TLNRD1: variants seen among roughly 807,000 people sequenced by gnomAD.
TLNRD1 encodes the protein talin rod domain containing 1, also known as talin rod domain-containing protein 1.
In TLNRD1, 14 loss-of-function variants were observed where a neutral mutation model predicts 19.5. The observed-to-expected ratio is 0.72, with a 90% confidence interval of 0.47 to 1.12. The LOEUF (loss-of-function observed/expected upper bound fraction) is 1.12. Ranked by LOEUF, TLNRD1 falls within the 50% of genes most tolerant of loss-of-function variation. TLNRD1 has a pLI of 0.00. For missense variants in TLNRD1, 569 were observed against 531.9 expected, an observed-to-expected ratio of 1.07 and a Z score of -0.69; for synonymous variants, 345 against 261.7, an observed-to-expected ratio of 1.32 and a Z score of -3.07.
Position 81,002,765 on chromosome 15 carries a change from C to G in TLNRD1, c.494C>G (p.Ala165Gly). Residue 165 changes from alanine (A) to glycine (G), a missense_variant, in exon 1 of 1, where the codon GCC (alanine) becomes GGC (glycine). By Grantham distance (60) the Ala-to-Gly change is moderately conservative. Transcript: ENST00000267984. Reference protein sequence around the residue: ...RCRHEVEQGCAVLRATPLADM... With the variant: ...RCRHEVEQGCGVLRATPLADM... ...CGCCACGAGGTGGAGCAGGGTTGCG[C>G]CGTGCTGCGCGCCACGCCGCTGGCC... 1.3e-6 allele frequency: 2 copies of G among 1,541,304 alleles called. No individual in the cohort carries two copies. The highest frequency in any genetic ancestry group is 1.7e-6 in the Non-Finnish European group (2 of 1,149,508).
rs867387036 is a variant in TLNRD1, at chr15:81,003,346, A to C, written c.1075A>C (p.Asn359His). Residue 359 changes from asparagine (N) to histidine (H), a missense_variant, in exon 1 of 1, where the codon AAT (asparagine) becomes CAT (histidine). Transcript: ENST00000267984. ...SPRTLPPVNS[N>H]SVN ...CAGGACTTTACCGCCAGTGAATTCC[A>C]ATTCTGTGAATTAGCACCCCACCCC... The C allele has an allele frequency of 1.3e-6, 2 of 1,597,238 alleles. No individual in the cohort carries two copies. The highest frequency in any genetic ancestry group is 2.7e-5 in the African/African-American group (2 of 74,752).
rs1243068083 is a variant in TLNRD1, at chr15:81,003,321, C to T, written c.1050C>T (p.Pro350=). Residue 350 remains proline (P), a synonymous_variant, in exon 1 of 1, where the codon CCC becomes CCT. Transcript: ENST00000267984. ...LSQALRERSS[P]RTLPPVNSNS... ...AGGCTTTAAGGGAGAGGTCTTCGCC[C>T]AGGACTTTACCGCCAGTGAATTCCA... The T allele has an allele frequency of 1.9e-6, 3 of 1,605,478 alleles. No individual in the cohort carries two copies. In the African/African-American group the frequency reaches 4.0e-5, roughly 21 times the overall value.
At position 81,003,519 on chromosome 15, in the gene TLNRD1, G is replaced by A. The variant is rs1324379135; in HGVS notation, c.*159G>A. 6.1e-6 allele frequency: 5 copies of A among 815,576 alleles called. No individual in the cohort carries two copies. Among genetic ancestry groups the A allele is most frequent in the African/African-American group, 5.2e-5 (3 of 57,410 alleles). 50.5% of individuals were successfully genotyped at this position (815,576 alleles called of 1,614,324 possible). On this transcript the variant is annotated 3_prime_UTR_variant, in exon 1 of 1. Coordinates refer to ENST00000267984, the MANE Select transcript of TLNRD1 (RefSeq NM_022566.3). ...TCTTCCACAAGGCAGGGCCATGCAC[G>A]CAACCTGCACACGCACTTGGAGGGC...
chr15:81,005,494 A>T lies in TLNRD1; in HGVS notation c.*2134A>T, dbSNP rs1893478861. 6.0e-6 allele frequency: 1 copy of T among 167,128 alleles called. No homozygotes were observed. Among genetic ancestry groups the T allele is most frequent in the African/African-American group, 2.4e-5 (1 of 41,470 alleles). The allele number at this position is 167,128 out of a possible 1,614,324, so 10.4% of individuals were successfully genotyped here. ...AAACTGAAAGGAACAAACGCTAAGTAAAATAAGGGCCAGAAATCTGTAAAT... is the reference window on the plus strand; with the variant it reads ...AAACTGAAAGGAACAAACGCTAAGTTAAATAAGGGCCAGAAATCTGTAAAT... On this transcript the variant is annotated 3_prime_UTR_variant, in exon 1 of 1. Transcript: ENST00000267984.
rs1893436962 is a variant in TLNRD1 at position 81,002,872 on chromosome 15, G to T, written c.601G>T (p.Ala201Ser). 6.3e-7 allele frequency: 1 copy of T among 1,596,892 alleles called. No homozygotes were observed. The highest frequency in any genetic ancestry group is 1.3e-5 in the African/African-American group (1 of 74,866). Residue 201 changes from alanine (A) to serine (S), a missense_variant, in exon 1 of 1, where the codon GCC becomes TCC. Physicochemically the swap from Ala to Ser is moderately conservative, Grantham distance 99. Transcript: ENST00000267984. The stretch of plus-strand genomic sequence containing the variant: ...GTTCCTGACGGACGCGTGCGCCCTG[G>T]CCAGTGACAAGTCACGGGACCGCTT... ...LKFLTDACAL[A>S]SDKSRDRFSR...
In TLNRD1 at chr15:81,003,557, C is replaced by T; in HGVS notation, c.*197C>T. 1 of 579,800 alleles carries T rather than the reference C, an allele frequency of 1.7e-6. No homozygotes were observed. The highest frequency in any genetic ancestry group is 3.0e-6 in the Non-Finnish European group (1 of 328,096). The allele number at this position is 579,800 out of a possible 1,614,324, so 35.9% of individuals were successfully genotyped here. A position where few individuals can be genotyped will look rare whatever the true frequency, so the allele number is the denominator to read the frequency against. ...GCACTTGGAGGGCCCAGGTGTCTCT[C>T]CACCAGCCCCCATGCAGTAGGGACT... On this transcript the variant is annotated 3_prime_UTR_variant, in exon 1 of 1. Transcript: ENST00000267984.
In TLNRD1 at chr15:81,003,220, G is replaced by A. The variant is rs1434085609; in HGVS notation, c.949G>A (p.Ala317Thr). The part of the protein sequence containing the change: ...RDLAQHPDGG[A>T]KMSDHRERLR... ...TCTGGCGCAGCACCCCGACGGGGGC[G>A]CCAAGATGTCGGACCACAGGGAGAG... is the stretch of plus-strand genomic sequence containing the variant. Residue 317 changes from alanine to threonine, a missense_variant, in exon 1 of 1, where the codon GCC becomes ACC. By Grantham distance (58) the Ala-to-Thr change is moderately conservative (BLOSUM62 0). Coordinates refer to ENST00000267984, the MANE Select transcript of TLNRD1 (RefSeq NM_022566.3). 1 of 1,602,934 alleles carries A rather than the reference G, an allele frequency of 6.2e-7. No individual in the cohort carries two copies. Among genetic ancestry groups the A allele is most frequent in the South Asian group, 1.1e-5 (1 of 89,166 alleles).
In TLNRD1 at chr15:81,002,764, G is replaced by A. The variant is rs1285353784; in HGVS notation, c.493G>A (p.Ala165Thr). The A allele has an allele frequency of 3.9e-6, 6 of 1,540,692 alleles. No individual in the cohort carries two copies. Among genetic ancestry groups the A allele is most frequent in the Non-Finnish European group, 5.2e-6 (6 of 1,149,156 alleles). The change falls in exon 1 of 1, where the codon GCC (alanine) becomes ACC (threonine). Residue 165 changes from alanine to threonine, a missense_variant. Transcript: ENST00000267984. The stretch of plus-strand genomic sequence containing the variant: ...CCGCCACGAGGTGGAGCAGGGTTGC[G>A]CCGTGCTGCGCGCCACGCCGCTGGC... The part of the protein sequence containing the change: ...RCRHEVEQGC[A>T]VLRATPLADM...
In TLNRD1 at chr15:81,003,673, G is replaced by A. The variant is rs1893456552; in HGVS notation, c.*313G>A. 1 of 302,522 alleles carries A rather than the reference G, an allele frequency of 3.3e-6. No homozygotes were observed. The highest frequency in any genetic ancestry group is 6.1e-5 in the East Asian group (1 of 16,504). 18.7% of individuals were successfully genotyped at this position (302,522 alleles called of 1,614,324 possible). On this transcript the variant is annotated 3_prime_UTR_variant, in exon 1 of 1. Coordinates refer to ENST00000267984, the MANE Select transcript of TLNRD1 (RefSeq NM_022566.3). Reference sequence around the variant, plus strand: ...TTTCTCAACTAAATTTCATTATTGGGCAGGAAGGAGGTCATGGGTTCATTT... The same window carrying A: ...TTTCTCAACTAAATTTCATTATTGGACAGGAAGGAGGTCATGGGTTCATTT...
chr15:81,002,531 A>G lies in TLNRD1; in HGVS notation c.260A>G (p.Lys87Arg). ...CGGGACACCATCATCGCGCGCACCA[A>G]GGGGCTCTCCATCCTCACCCACGAC... is the stretch of plus-strand genomic sequence containing the variant. ...QCRDTIIART[K>R]GLSILTHDVQ... The change falls in exon 1 of 1, where the codon AAG (lysine) becomes AGG (arginine). Residue 87 changes from lysine to arginine, a missense_variant. By Grantham distance (26) the Lys-to-Arg change is conservative. Coordinates refer to ENST00000267984, the MANE Select transcript of TLNRD1 (RefSeq NM_022566.3). 1.4e-6 allele frequency: 2 copies of G among 1,463,014 alleles called. No homozygotes were observed. The highest frequency in any genetic ancestry group is 1.8e-6 in the Non-Finnish European group (2 of 1,111,498). The allele number at this position is 1,463,014 out of a possible 1,614,324, so 90.6% of individuals were successfully genotyped here.
chr15:81,001,728 C>G lies in TLNRD1; in HGVS notation c.-544C>G, dbSNP rs1042276848. 6.6e-6 allele frequency: 1 copy of G among 152,002 alleles called. No homozygotes were observed. Among genetic ancestry groups the G allele is most frequent in the Non-Finnish European group, 1.5e-5 (1 of 67,974 alleles). The allele number at this position is 152,002 out of a possible 1,614,324, so 9.4% of individuals were successfully genotyped here. A position where few individuals can be genotyped will look rare whatever the true frequency, so the allele number is the denominator to read the frequency against. ...TGAAGCCCACGTGCGCCGCCGAGCC[C>G]GAGGTGGCCTCGAGCGCGGCGGCTG... On this transcript the variant is annotated 5_prime_UTR_variant, in exon 1 of 1. Coordinates refer to ENST00000267984, the MANE Select transcript of TLNRD1 (RefSeq NM_022566.3).
In TLNRD1 at chr15:81,002,881, A is replaced by G. The variant is rs779225082; in HGVS notation, c.610A>G (p.Lys204Glu). 1 of 1,597,190 alleles carries G rather than the reference A, an allele frequency of 6.3e-7. No homozygotes were observed. The highest frequency in any genetic ancestry group is 1.7e-5 in the Admixed American group (1 of 59,928). Residue 204 changes from lysine to glutamate, a missense_variant, in exon 1 of 1, where the codon AAG becomes GAG. By Grantham distance (56) the Lys-to-Glu change is moderately conservative. Transcript: ENST00000267984. ...LTDACALASD[K>E]SRDRFSREQF... is the part of the protein sequence containing the mutation. The stretch of plus-strand genomic sequence containing the variant: ...GGACGCGTGCGCCCTGGCCAGTGAC[A>G]AGTCACGGGACCGCTTTTCGCGGGA...
chr15:81,003,153 C>G lies in TLNRD1; in HGVS notation c.882C>G (p.Ser294Arg), dbSNP rs773083615. Residue 294 changes from serine (S) to arginine (R), a missense_variant, in exon 1 of 1, where the codon AGC becomes AGG. By Grantham distance (110) the Ser-to-Arg change is moderately radical. Transcript: ENST00000267984. Reference sequence around the variant, plus strand: ...CCGCCATCCTGGGCGGCGCCATGAGCGTGGTGTCGGCCTGCGTGCTCCTGA... The same window carrying G: ...CCGCCATCCTGGGCGGCGCCATGAGGGTGGTGTCGGCCTGCGTGCTCCTGA... ...VQTAILGGAM[S>R]VVSACVLLTQ... The G allele has an allele frequency of 6.4e-7, 1 of 1,569,360 alleles. No homozygotes were observed. Among genetic ancestry groups the G allele is most frequent in the Non-Finnish European group, 8.6e-7 (1 of 1,157,328 alleles).
In TLNRD1 at chr15:81,002,937, C is replaced by T; in HGVS notation, c.666C>T (p.Ser222=). The stretch of plus-strand genomic sequence containing the variant: ...TCAAGCTGGGCGTCAAGTGCATGAG[C>T]ACCAGCGCGTCGGCGCTGCTGGCCT... The part of the protein sequence containing the change: ...EQFKLGVKCM[S]TSASALLACV... The change falls in exon 1 of 1, where the codon AGC becomes AGT. Residue 222 remains serine, a synonymous_variant. Coordinates refer to ENST00000267984, the MANE Select transcript of TLNRD1 (RefSeq NM_022566.3). The T allele has an allele frequency of 1.3e-6, 2 of 1,595,576 alleles. No individual in the cohort carries two copies. The highest frequency in any genetic ancestry group is 2.2e-5 in the South Asian group (2 of 90,674).
Position 81,003,281 on chromosome 15 carries a change from G to A in TLNRD1, c.1010G>A (p.Cys337Tyr), listed in dbSNP as rs1893447112. 1 of 1,611,172 alleles carries A rather than the reference G, an allele frequency of 6.2e-7. No individual in the cohort carries two copies. Among genetic ancestry groups the A allele is most frequent in the South Asian group, 1.1e-5 (1 of 90,468 alleles). ...TCGGCCTGCGCCGTGTCTGAAGGCT[G>A]CACCCTGCTATCTCAGGCTTTAAGG... Reference protein sequence around the residue: ...RNSACAVSEGCTLLSQALRER... With the variant: ...RNSACAVSEGYTLLSQALRER... The change falls in exon 1 of 1, where the codon TGC (cysteine) becomes TAC (tyrosine). Residue 337 changes from cysteine (C) to tyrosine (Y), a missense_variant. Physicochemically the swap from Cys to Tyr is radical, Grantham distance 194. Transcript: ENST00000267984.
chr15:81,005,184 T>A lies in TLNRD1; in HGVS notation c.*1824T>A, dbSNP rs1893474917. On this transcript the variant is annotated 3_prime_UTR_variant, in exon 1 of 1. Transcript: ENST00000267984. ...TTAAAGTGGTAGGGTACTTAAATTTTTAAAAAAATGACCATGGGAGCAGTT... is the reference window on the plus strand; with the variant it reads ...TTAAAGTGGTAGGGTACTTAAATTTATAAAAAAATGACCATGGGAGCAGTT... The A allele has an allele frequency of 6.0e-6, 1 of 167,092 alleles. No homozygotes were observed. The highest frequency in any genetic ancestry group is 2.4e-5 in the African/African-American group (1 of 41,460). The allele number at this position is 167,092 out of a possible 1,614,324, so 10.4% of individuals were successfully genotyped here. A position where few individuals can be genotyped will look rare whatever the true frequency, so the allele number is the denominator to read the frequency against.
rs995469332 is a variant in TLNRD1, at chr15:81,002,193, CGCCGGGGCGGCGGCAGTG to C, written c.-74_-57del. On this transcript the variant is annotated 5_prime_UTR_variant, in exon 1 of 1. Transcript: ENST00000267984. The stretch of plus-strand genomic sequence containing the variant: ...CCTTGGCCAGCTGAGTCGCGACGGC[CGCCGGGGCGGCGGCAGTG>C]GCCGCGGCAGCGGCGGTGGTAGCGG... 5.0e-6 allele frequency: 6 copies of C among 1,205,410 alleles called. No homozygotes were observed. The highest frequency in any genetic ancestry group is 6.2e-6 in the Non-Finnish European group (6 of 971,154). The allele number at this position is 1,205,410 out of a possible 1,614,324, so 74.7% of individuals were successfully genotyped here. A position where few individuals can be genotyped will look rare whatever the true frequency, so the allele number is the denominator to read the frequency against.
chr15:81,002,860 G>A lies in TLNRD1; in HGVS notation c.589G>A (p.Ala197Thr), dbSNP rs1464383266. Residue 197 changes from alanine to threonine, a missense_variant, in exon 1 of 1, where the codon GCG becomes ACG. Coordinates refer to ENST00000267984, the MANE Select transcript of TLNRD1 (RefSeq NM_022566.3). ...GCGCAACCTCAAGTTCCTGACGGAC[G>A]CGTGCGCCCTGGCCAGTGACAAGTC... ...LSRNLKFLTDACALASDKSRD... is the reference protein window; with the variant it reads ...LSRNLKFLTDTCALASDKSRD... 6.3e-6 allele frequency: 10 copies of A among 1,595,954 alleles called. No individual in the cohort carries two copies. Among genetic ancestry groups the A allele is most frequent in the Non-Finnish European group, 8.5e-6 (10 of 1,178,394 alleles).
At position 81,001,498 on chromosome 15, in the gene TLNRD1, C is replaced by A. The variant is rs1334306976; in HGVS notation, c.-774C>A. ...GAGAGCTTGAGCGCGATCCGGGCGGCCGCTGTGCGCAATCAGTGCAGGCTC... is the reference window on the plus strand; with the variant it reads ...GAGAGCTTGAGCGCGATCCGGGCGGACGCTGTGCGCAATCAGTGCAGGCTC... On this transcript the variant is annotated 5_prime_UTR_variant, in exon 1 of 1. Coordinates refer to ENST00000267984, the MANE Select transcript of TLNRD1 (RefSeq NM_022566.3). The A allele has an allele frequency of 6.6e-6, 1 of 151,616 alleles. No homozygotes were observed. Among genetic ancestry groups the A allele is most frequent in the Non-Finnish European group, 1.5e-5 (1 of 67,858 alleles). The allele number at this position is 151,616 out of a possible 1,614,324, so 9.4% of individuals were successfully genotyped here.
Sources: allele counts gnomAD v4.1 joint callset, GRCh38; gene constraint gnomAD v4.1.1; transcripts MANE v1.5; gene names NCBI Gene and HGNC (gene_info 2026-07-23, HGNC 2026-07-21).